SENP5: variants seen among roughly 807,000 people sequenced by gnomAD.
SENP5 encodes the protein sentrin-specific protease 5.
SENP5 carries 21 observed loss-of-function variants against 74.2 expected under a neutral mutation model. The ratio of observed to expected loss-of-function variants is 0.28; its 90% CI spans 0.20 to 0.41. The LOEUF (loss-of-function observed/expected upper bound fraction) is 0.41. Ranked by LOEUF, SENP5 falls within the 10% of genes least tolerant of loss-of-function variation. The probability of loss-of-function intolerance (pLI) is 1.00; values close to 1 mark genes in which losing one functional copy is unlikely to be tolerated. For missense variants in SENP5, 717 were observed against 889.1 expected (o/e 0.81, Z 2.46); for synonymous variants, 311 against 312.7 (o/e 0.99, Z 0.06).
chr3:196,878,989 C>T (rs1047435497), intron 1 of SENP5, among the ~76,000 whole-genome samples: 12 of 152,180 alleles, frequency 7.9e-5, no homozygotes, highest in Non-Finnish European at 7.3e-5. Context: ...CTGTTCCCCA[C>T]GTCTGTGTAC....
At position 196,886,663 on chromosome 3, in the gene SENP5, G is replaced by A. The variant is rs767824451; in HGVS notation, c.1482G>A (p.Val494=). ...GGKNSQKASP[V]DDEQLSVCLS... ...AGAACAGTCAGAAAGCCTCTCCAGT[G>A]GATGATGAACAGCTGTCAGTCTGTC... Residue 494 remains valine (V), a synonymous_variant, in exon 2 of 10, where the codon GTG becomes GTA. Transcript: ENST00000323460. The A allele has an allele frequency of 2.5e-6, 4 of 1,581,896 alleles. No individual in the cohort carries two copies. Among genetic ancestry groups the A allele is most frequent in the Non-Finnish European group, 3.4e-6 (4 of 1,166,784 alleles).
In SENP5 at chr3:196,934,689, A is replaced by G. The variant is rs1716179802; in HGVS notation, c.*3766A>G. 6.6e-6 allele frequency: 1 copy of G among 152,176 alleles called. No homozygotes were observed. Among genetic ancestry groups the G allele is most frequent in the Admixed American group, 6.5e-5 (1 of 15,284 alleles). 9.4% of individuals were successfully genotyped at this position (152,176 alleles called of 1,614,324 possible). The stretch of plus-strand genomic sequence containing the variant: ...ACCCTTCTAGCAAAGTATTTTTTTG[A>G]AAAATAAACTAAATGCCTTTATAAA... On this transcript the variant is annotated 3_prime_UTR_variant, in exon 10 of 10. Coordinates refer to ENST00000323460, the MANE Select transcript of SENP5 (RefSeq NM_152699.5).
intron 2 of SENP5, among the ~76,000 whole-genome samples, chr3:196,898,698 A>G (rs976656745): frequency 1.3e-5 from 2 of 152,064 alleles, no homozygotes; most frequent in African/African-American, 4.8e-5. Context: ...GCGGATCACA[A>G]GGTCAGGAGA....
At chr3:196,879,719 G>C (rs1231437084) in intron 1 of SENP5, among the ~76,000 whole-genome samples, 2 of 152,100 alleles carry the variant, frequency 1.3e-5, no homozygotes, top group Non-Finnish European at 2.9e-5. Flanking sequence ...GGATGCATGG[G>C]AGGTAAATAT....
At chr3:196,900,303 T>C (rs1442971258) in intron 4 of SENP5, 62 bp from the exon 5 acceptor site, 8 of 1,480,108 alleles carry the variant, frequency 5.4e-6, no homozygotes, top group Non-Finnish European at 7.4e-6. Context: ...ATTTATTTTG[T>C]TTTTCTTTCT....
Position 196,929,659 on chromosome 3 carries a change from T to C in SENP5, c.2133T>C (p.Ser711=), listed in dbSNP as rs766262527. 1 of 1,609,338 alleles carries C rather than the reference T, an allele frequency of 6.2e-7. No homozygotes were observed. The highest frequency in any genetic ancestry group is 8.5e-7 in the Non-Finnish European group (1 of 1,177,014). ...TKCIPQQKND[S]DCGVFVLQYC... ...GTATTCCACAACAGAAAAACGACAG[T>C]GACTGTGGAGTCTTTGTGCTCCAGG... is the stretch of plus-strand genomic sequence containing the variant. The change falls in exon 9 of 10, where the codon AGT becomes AGC. Residue 711 remains serine (S), a synonymous_variant. Coordinates refer to ENST00000323460, the MANE Select transcript of SENP5 (RefSeq NM_152699.5).
Position 196,901,047 on chromosome 3 carries a change from TAC to T in SENP5, c.1806+636_1806+637del, listed in dbSNP as rs1491408864. Among the ~76,000 whole-genome samples, 216 of 95,812 alleles carry T rather than the reference TAC, an allele frequency of 2.3e-3. 2 individuals carry two copies. The highest frequency in any genetic ancestry group is 7.1e-3 in the South Asian group (13 of 1,832). The allele number at this position is 95,812 out of a possible 152,430, so 62.9% of individuals were successfully genotyped here. A position where few individuals can be genotyped will look rare whatever the true frequency, so the allele number is the denominator to read the frequency against. ...GCTTTTTACATTTATGTATTTATTT[TAC>T]TTTTTTTTTTTTTTGAGACCGAGTC... On this transcript the variant is annotated intron_variant, in intron 5 of 9. Transcript: ENST00000323460.
intron 2 of SENP5, among the ~76,000 whole-genome samples, chr3:196,894,108 T>C (rs922489400): frequency 6.9e-6 from 1 of 145,568 alleles, no homozygotes; most frequent in Non-Finnish European, 1.5e-5. Context: ...TTTCTAGATA[T>C]TAATGTGGTT....
intron 8 of SENP5, chr3:196,929,420 A>C (rs1038148695): frequency 8.3e-6 from 4 of 483,008 alleles, no homozygotes; most frequent in Non-Finnish European, 1.5e-5. Flanking sequence ...TTTAGGTAAA[A>C]CATTGTCCTA....
intron 5 of SENP5, among the ~76,000 whole-genome samples, chr3:196,901,754 CAG>C (rs1050735361): frequency 6.6e-6 from 1 of 152,216 alleles, no homozygotes; most frequent in Non-Finnish European, 1.5e-5. Context: ...TCTTAATCAT[CAG>C]AAAGTTTAAA....
At chr3:196,910,016 C>T (rs1311955852) in intron 6 of SENP5, among the ~76,000 whole-genome samples, 1 of 152,110 alleles carries the variant, frequency 6.6e-6, no homozygotes, top group Non-Finnish European at 1.5e-5. Flanking sequence ...GTCTCAGCCC[C>T]AAAACCCCTT....
rs770473579 is a variant in SENP5, at chr3:196,930,952, C to T, written c.*29C>T. Reference sequence around the variant, plus strand: ...TCAGCAGGGACTCTGGGAAGTCTGACCAAGTTGGAGCAGATGGTTTGTTAC... The same window carrying T: ...TCAGCAGGGACTCTGGGAAGTCTGATCAAGTTGGAGCAGATGGTTTGTTAC... On this transcript the variant is annotated 3_prime_UTR_variant, in exon 10 of 10. Coordinates refer to ENST00000323460, the MANE Select transcript of SENP5 (RefSeq NM_152699.5). 8.5e-6 allele frequency: 12 copies of T among 1,412,614 alleles called. No homozygotes were observed. The highest frequency in any genetic ancestry group is 1.2e-5 in the Non-Finnish European group (12 of 996,624). The allele number at this position is 1,412,614 out of a possible 1,614,324, so 87.5% of individuals were successfully genotyped here. A position where few individuals can be genotyped will look rare whatever the true frequency, so the allele number is the denominator to read the frequency against.
intron 6 of SENP5, among the ~76,000 whole-genome samples, chr3:196,909,151 A>G (rs561242729): frequency 1.2e-4 from 18 of 152,230 alleles, no homozygotes; most frequent in Non-Finnish European, 2.2e-4. Flanking sequence ...CAAATAAACT[A>G]GAAAATCTAG....
rs1332343455 is a variant in SENP5 at position 196,932,023 on chromosome 3, G to A, written c.*1100G>A. The A allele has an allele frequency of 2.6e-6, 1 of 387,434 alleles. No homozygotes were observed. The highest frequency in any genetic ancestry group is 5.1e-6 in the Non-Finnish European group (1 of 195,934). The allele number at this position is 387,434 out of a possible 1,614,324, so 24.0% of individuals were successfully genotyped here. On this transcript the variant is annotated 3_prime_UTR_variant, in exon 10 of 10. Transcript: ENST00000323460. Reference sequence around the variant, plus strand: ...CATTAGTGACCTCAGTAACATGCAGGGTACGTCTGGCTTCTGCATGGCCAG... The same window carrying A: ...CATTAGTGACCTCAGTAACATGCAGAGTACGTCTGGCTTCTGCATGGCCAG...
intron 6 of SENP5, among the ~76,000 whole-genome samples, chr3:196,919,666 G>A (rs1453385301): frequency 6.6e-6 from 1 of 152,098 alleles, no homozygotes; most frequent in Non-Finnish European, 1.5e-5. Context: ...GGTGGAGCAT[G>A]CCTGCAATAC....
chr3:196,930,542 G>A (rs1715997159), intron 9 of SENP5, among the ~76,000 whole-genome samples: 1 of 152,214 alleles, frequency 6.6e-6, no homozygotes, highest in African/African-American at 2.4e-5. Context: ...TCTCTTAGGA[G>A]TGTGAACCCT....
intron 6 of SENP5, among the ~76,000 whole-genome samples, chr3:196,923,049 G>A (rs1715683738): frequency 6.6e-6 from 1 of 152,042 alleles, no homozygotes; most frequent in Admixed American, 6.6e-5. Flanking sequence ...CACCGTGCCT[G>A]GCCCCTTATA....
chr3:196,884,508 CAG>C (rs1386320727), intron 1 of SENP5, among the ~76,000 whole-genome samples: 2 of 152,120 alleles, frequency 1.3e-5, no homozygotes, highest in African/African-American at 4.8e-5. Context: ...GACTATGAAA[CAG>C]AAGCCAATAT....
chr3:196,913,647 C>CTT (rs1229412806), intron 6 of SENP5, among the ~76,000 whole-genome samples: 13,047 of 98,088 alleles, frequency 0.13, 1,774 homozygotes, highest in South Asian at 0.21. Flanking sequence ...ATAAGAAAGG[C>CTT]TTTTTTTTTT....
Sources: allele counts gnomAD v4.1 joint callset (sites outside exome capture counted in the v4.1 genomes callset), GRCh38; gene constraint gnomAD v4.1.1; transcripts MANE v1.5; gene names NCBI Gene and HGNC (gene_info 2026-07-23, HGNC 2026-07-21).